SORCS3: variants seen among roughly 807,000 people sequenced by gnomAD.
SORCS3 encodes VPS10 domain-containing receptor SorCS3.
SORCS3 carries 57 observed loss-of-function variants against 146.3 expected under a neutral mutation model. The observed-to-expected ratio is 0.39, with a 90% CI of 0.31 to 0.49. The LOEUF (loss-of-function observed/expected upper bound fraction) is 0.49, where lower values mean the gene tolerates loss of function less well. SORCS3 is among the 20% of genes least tolerant of loss of function. The pLI, the probability that SORCS3 is intolerant of heterozygous loss-of-function variation, is 0.92. For synonymous variants in SORCS3, 653 were observed against 618.5 expected, an observed-to-expected ratio of 1.06 and a Z score of -0.83; for missense variants, 1,341 against 1,575.5, an observed-to-expected ratio of 0.85 and a Z score of 2.52.
intron 4 of SORCS3, among the ~76,000 whole-genome samples, chr10:105,020,127 C>G (rs971891707): frequency 6.6e-6 from 1 of 152,252 alleles, no homozygotes; most frequent in South Asian, 2.1e-4. Context: ...AATCCACTGT[C>G]TCATTTCCAA....
intron 12 of SORCS3, among the ~76,000 whole-genome samples, chr10:105,164,677 A>C (rs1010507432): frequency 3.3e-5 from 5 of 152,148 alleles, no homozygotes; most frequent in African/African-American, 1.2e-4. Flanking sequence ...TGGGGATACA[A>C]CTGATGAAAC....
intron 3 of SORCS3, among the ~76,000 whole-genome samples, chr10:104,932,379 G>A (rs1214675353): frequency 3.9e-5 from 6 of 152,148 alleles, no homozygotes; most frequent in Non-Finnish European, 8.8e-5. Context: ...TGGCACATGG[G>A]CCTGAACTAT....
intron 3 of SORCS3, among the ~76,000 whole-genome samples, chr10:104,918,836 G>T (rs1248972844): frequency 6.6e-6 from 1 of 152,236 alleles, no homozygotes; most frequent in East Asian, 1.9e-4. Flanking sequence ...GTATTTTCAT[G>T]TAGATGATTG....
At chr10:104,894,314 CT>C (rs1159448025) in intron 2 of SORCS3, among the ~76,000 whole-genome samples, 2 of 152,198 alleles carry the variant, frequency 1.3e-5, no homozygotes, top group Non-Finnish European at 2.9e-5. Context: ...CAAGCAATTG[CT>C]GAGATTCAAC....
intron 2 of SORCS3, among the ~76,000 whole-genome samples, chr10:104,897,229 C>T (rs2018807210): frequency 6.6e-6 from 1 of 152,212 alleles, no homozygotes; most frequent in African/African-American, 2.4e-5. Context: ...ATCATGTTTT[C>T]ACCCCGTCCT....
At chr10:105,099,883 A>C (rs555847186) in intron 6 of SORCS3, among the ~76,000 whole-genome samples, 8 of 152,274 alleles carry the variant, frequency 5.3e-5, no homozygotes, top group African/African-American at 1.9e-4. Flanking sequence ...CTGGCATAGG[A>C]ATCTTCTGAG....
chr10:104,855,111 T>C (rs1589524582), intron 2 of SORCS3, among the ~76,000 whole-genome samples: 1 of 152,336 alleles, frequency 6.6e-6, no homozygotes, highest in East Asian at 1.9e-4. Context: ...TGAATTGCTT[T>C]TGCCCCTTTG....
intron 1 of SORCS3, among the ~76,000 whole-genome samples, chr10:104,749,224 A>AGG (rs1324778572): frequency 1.8e-4 from 25 of 140,006 alleles, no homozygotes; most frequent in Non-Finnish European, 2.7e-4. Flanking sequence ...TGCAAAGTAT[A>AGG]GGGTGTGTGT....
chr10:104,692,370 C>G (rs545755434), intron 1 of SORCS3, among the ~76,000 whole-genome samples: 1 of 152,304 alleles, frequency 6.6e-6, no homozygotes, highest in Non-Finnish European at 1.5e-5. Flanking sequence ...TGCAGAATGT[C>G]TCTGAGGCTT....
At chr10:104,734,368 C>T (rs545283231) in intron 1 of SORCS3, among the ~76,000 whole-genome samples, 1 of 152,326 alleles carries the variant, frequency 6.6e-6, no homozygotes, top group African/African-American at 2.4e-5. Flanking sequence ...TAGAAGAGAG[C>T]AAAGGGCAGA....
At chr10:105,150,191 C>G (rs1051818837) in intron 9 of SORCS3, among the ~76,000 whole-genome samples, 2 of 151,974 alleles carry the variant, frequency 1.3e-5, no homozygotes, top group African/African-American at 4.8e-5. Context: ...ATGCTGGAAC[C>G]GATTAGGACA....
intron 2 of SORCS3, among the ~76,000 whole-genome samples, chr10:104,859,392 G>A (rs368668080): frequency 6.6e-6 from 1 of 152,058 alleles, no homozygotes; most frequent in East Asian, 1.9e-4. Context: ...TGGATCCCTT[G>A]CTTACACCTT....
intron 1 of SORCS3, among the ~76,000 whole-genome samples, chr10:104,754,279 T>C (rs1289594701): frequency 6.6e-6 from 1 of 152,108 alleles, no homozygotes; most frequent in Non-Finnish European, 1.5e-5. Flanking sequence ...GTCTGCTACA[T>C]CAAAATCATC....
chr10:105,018,446 A>G (rs75356926), intron 4 of SORCS3, among the ~76,000 whole-genome samples: 1,792 of 152,224 alleles, frequency 0.012, 20 homozygotes, highest in African/African-American at 0.03. Context: ...AGTTTTATGC[A>G]AATCACATGA....
intron 1 of SORCS3, among the ~76,000 whole-genome samples, chr10:104,820,792 A>C (rs1394393816): frequency 1.3e-5 from 2 of 152,254 alleles, no homozygotes; most frequent in African/African-American, 2.4e-5. Flanking sequence ...TATTAGTATT[A>C]CAATACAATA....
chr10:104,829,644 G>A (rs1294416141), intron 1 of SORCS3, among the ~76,000 whole-genome samples: 2 of 152,084 alleles, frequency 1.3e-5, no homozygotes, highest in East Asian at 1.9e-4. Context: ...GAGAATTTTT[G>A]TAAGAAATTA....
intron 1 of SORCS3, among the ~76,000 whole-genome samples, chr10:104,655,137 C>T (rs1230893625): frequency 6.6e-6 from 1 of 151,590 alleles, no homozygotes; most frequent in African/African-American, 2.4e-5. Flanking sequence ...CCTGTAGTCC[C>T]AGCTACTTGG....
intron 1 of SORCS3, among the ~76,000 whole-genome samples, chr10:104,831,679 C>T (rs2133537535): frequency 6.6e-6 from 1 of 152,326 alleles, no homozygotes; most frequent in African/African-American, 2.4e-5. Flanking sequence ...GGGCCAGGAC[C>T]TCTTTCTTTC....
At chr10:104,689,741 C>CAT (rs767316438) in intron 1 of SORCS3, among the ~76,000 whole-genome samples, 8 of 152,196 alleles carry the variant, frequency 5.3e-5, no homozygotes, top group Admixed American at 6.5e-5. Context: ...GCTTCACCAT[C>CAT]ATATACCCAA....
Sources: allele counts gnomAD v4.1 joint callset (sites outside exome capture counted in the v4.1 genomes callset), GRCh38; gene constraint gnomAD v4.1.1; transcripts MANE v1.5; gene names NCBI Gene and HGNC (gene_info 2026-07-23, HGNC 2026-07-21).